RPRD2: variants seen among roughly 807,000 people sequenced by gnomAD.
RPRD2 encodes regulation of nuclear pre-mRNA domain-containing protein 2.
A neutral mutation model predicts 104.4 loss-of-function variants in RPRD2; 12 were observed. The ratio of observed to expected loss-of-function variants is 0.11; its 90% CI spans 0.07 to 0.19. The LOEUF (loss-of-function observed/expected upper bound fraction) is 0.19. RPRD2 is among the 10% of genes least tolerant of loss of function. RPRD2 has a pLI of 1.00. For synonymous variants in RPRD2, 714 were observed against 684.9 expected (o/e 1.04, Z -0.66); for missense variants, 1,543 against 1,790.1 (o/e 0.86, Z 2.49).
chr1:150,388,412 A>T lies in RPRD2; in HGVS notation c.205+23493A>T, dbSNP rs587632799. Among the ~76,000 whole-genome samples, 7 of 147,768 alleles carry T rather than the reference A, an allele frequency of 4.7e-5. No individual in the cohort carries two copies. The East Asian group carries it at 1.4e-3, about 29-fold the overall frequency. ...TACACATGTATATACGTGTATATAC[A>T]CATGTATATATATACATATATACAT... On this transcript the variant is annotated intron_variant, in intron 1 of 10. Coordinates refer to ENST00000369068, the MANE Select transcript of RPRD2 (RefSeq NM_015203.5).
intron 2 of RPRD2, among the ~76,000 whole-genome samples, chr1:150,432,663 A>G (rs1553892136): frequency 6.6e-6 from 1 of 151,162 alleles, no homozygotes; most frequent in African/African-American, 2.4e-5. Flanking sequence ...AAAGATCAGT[A>G]TAAAAGGACT....
At chr1:150,441,516 A>G (rs41273511) in intron 3 of RPRD2, 76 of 209,428 alleles carry the variant, frequency 3.6e-4, no homozygotes, top group Non-Finnish European at 6.1e-4. Flanking sequence ...TAATTAAGTT[A>G]TTGAACAGAA....
intron 2 of RPRD2, among the ~76,000 whole-genome samples, chr1:150,437,380 C>G (rs1444346088): frequency 6.6e-5 from 10 of 152,094 alleles, no homozygotes; most frequent in African/African-American, 2.4e-4. Context: ...CCTGCAGTCC[C>G]AGCTACCATG....
intron 2 of RPRD2, among the ~76,000 whole-genome samples, chr1:150,431,066 C>T (rs879961301): frequency 6.6e-6 from 1 of 151,924 alleles, no homozygotes; most frequent in Non-Finnish European, 1.5e-5. Context: ...AATTATAAAA[C>T]AAGCAGTTTT....
In RPRD2 at chr1:150,474,995, TTC is replaced by T. The variant is rs1427336041; in HGVS notation, c.*1663_*1664del. On this transcript the variant is annotated 3_prime_UTR_variant, in exon 11 of 11. Coordinates refer to ENST00000369068, the MANE Select transcript of RPRD2 (RefSeq NM_015203.5). ...GATTTGGGAGTTTTTGCGTAATTTA[TTC>T]TGTTATTTATTTGGGCTCGCCATGT... The T allele has an allele frequency of 6.6e-6, 1 of 152,102 alleles. No individual in the cohort carries two copies. Among genetic ancestry groups the T allele is most frequent in the Admixed American group, 6.6e-5 (1 of 15,264 alleles). 9.4% of individuals were successfully genotyped at this position (152,102 alleles called of 1,614,324 possible).
rs369152015 is a variant in RPRD2 at position 150,471,699 on chromosome 1, C to T, written c.2751C>T (p.Ser917=). The change falls in exon 11 of 11, where the codon AGC becomes AGT. Residue 917 remains serine, a synonymous_variant. Transcript: ENST00000369068. This position sits in a 1 kb window ranked among gnomAD's most constrained non-coding sequence, Gnocchi z 5.3. The part of the protein sequence containing the change: ...SSSPGLFGAF[S]VRGNEPGSDR... ...CCCCTGGGCTATTTGGTGCCTTCAG[C>T]GTAAGAGGGAATGAACCTGGGTCTG... The T allele has an allele frequency of 2.1e-5, 34 of 1,613,866 alleles. No individual in the cohort carries two copies. The African/African-American group carries it at 2.3e-4, about 11-fold the overall frequency.
intron 1 of RPRD2, among the ~76,000 whole-genome samples, chr1:150,393,560 T>G (rs1256072390): frequency 5.3e-5 from 8 of 151,754 alleles, no homozygotes; most frequent in Non-Finnish European, 1.0e-4. Flanking sequence ...CCCCATAGAT[T>G]ATGAGTTACA....
chr1:150,408,360 G>T (rs993322743), intron 1 of RPRD2, among the ~76,000 whole-genome samples: 3 of 151,662 alleles, frequency 2.0e-5, no homozygotes, highest in African/African-American at 7.3e-5. Context: ...CACCATGTTG[G>T]TCATGCTGGG....
intron 1 of RPRD2, among the ~76,000 whole-genome samples, chr1:150,365,854 G>C (rs1171713408): frequency 6.6e-6 from 1 of 152,136 alleles, no homozygotes; most frequent in Non-Finnish European, 1.5e-5. Flanking sequence ...GCCTCCCAAA[G>C]TGCAGGGATT....
intron 2 of RPRD2, among the ~76,000 whole-genome samples, chr1:150,421,246 A>AT (rs1664735746): frequency 6.6e-6 from 1 of 152,208 alleles, no homozygotes; most frequent in Non-Finnish European, 1.5e-5. Context: ...TTAAACTGTA[A>AT]TTAGGAAGAA....
chr1:150,473,327 G>A lies in RPRD2; in HGVS notation c.4379G>A (p.Arg1460Lys). The change falls in exon 11 of 11, where the codon AGG becomes AAG. Residue 1460 changes from arginine to lysine, a missense_variant. Arg to Lys is a conservative substitution (Grantham distance 26, BLOSUM62 2). Around this residue, in one of 4 missense-constraint regions of RPRD2, gnomAD observed 880 missense variants for 885.6 expected, o/e 0.99. Coordinates refer to ENST00000369068, the MANE Select transcript of RPRD2 (RefSeq NM_015203.5). ...FAPKRPFFPP[R>K]Y ...CCAAAACGCCCATTCTTCCCTCCCA[G>A]GTACTGATGGAAACCAAGGGAAAGG... 6.2e-7 allele frequency: 1 copy of A among 1,607,828 alleles called. No homozygotes were observed. The highest frequency in any genetic ancestry group is 8.5e-7 in the Non-Finnish European group (1 of 1,177,098).
intron 2 of RPRD2, among the ~76,000 whole-genome samples, chr1:150,422,555 T>C (rs1664844058): frequency 6.6e-6 from 1 of 151,918 alleles, no homozygotes; most frequent in African/African-American, 2.4e-5. Context: ...ATTCACTTAA[T>C]AGGGACAGCA....
At chr1:150,396,498 T>C (rs1168169002) in intron 1 of RPRD2, among the ~76,000 whole-genome samples, 1 of 152,248 alleles carries the variant, frequency 6.6e-6, no homozygotes, top group Non-Finnish European at 1.5e-5. Flanking sequence ...TCTAGATTTA[T>C]GTCCTTGATC....
At chr1:150,465,398 G>A (rs1441462474) in intron 10 of RPRD2, among the ~76,000 whole-genome samples, 3 of 152,176 alleles carry the variant, frequency 2.0e-5, no homozygotes, top group East Asian at 1.9e-4. Flanking sequence ...GATTACAGGC[G>A]TGAGCCACTG....
At chr1:150,371,194 A>G (rs587677196) in intron 1 of RPRD2, among the ~76,000 whole-genome samples, 2 of 152,346 alleles carry the variant, frequency 1.3e-5, no homozygotes, top group Admixed American at 6.5e-5. Context: ...TGGACCATGA[A>G]GCTGGTAATA....
At chr1:150,432,192 A>G (rs1665649418) in intron 2 of RPRD2, among the ~76,000 whole-genome samples, 1 of 147,412 alleles carries the variant, frequency 6.8e-6, no homozygotes, top group African/African-American at 2.5e-5. Context: ...AAAAAAAAAA[A>G]GAAAGAAAAG....
chr1:150,403,387 T>G (rs781817116), intron 1 of RPRD2, among the ~76,000 whole-genome samples: 3 of 152,112 alleles, frequency 2.0e-5, no homozygotes, highest in Non-Finnish European at 4.4e-5. Flanking sequence ...CGTCTCACTT[T>G]CCAGACTGAA....
intron 1 of RPRD2, among the ~76,000 whole-genome samples, chr1:150,373,095 C>A (rs1315696693): frequency 6.7e-6 from 1 of 148,198 alleles, no homozygotes; most frequent in Non-Finnish European, 1.5e-5. Context: ...CTCACTGCAA[C>A]CTCTGCCTCC....
chr1:150,373,476 C>G (rs1660469132), intron 1 of RPRD2, among the ~76,000 whole-genome samples: 1 of 147,056 alleles, frequency 6.8e-6, no homozygotes, highest in Non-Finnish European at 1.5e-5. Context: ...TAGGTCCAGC[C>G]AGATTTCTAG....
Sources: gnomAD v4.1 joint callset for allele counts (sites outside exome capture counted in the v4.1 genomes callset) on GRCh38, gnomAD v4.1.1 for gene constraint, gnomAD v4.1.1 regional missense constraint, Gnocchi (gnomAD v3.1) non-coding constraint, MANE v1.5 for transcripts, NCBI Gene and HGNC (gene_info 2026-07-23, HGNC 2026-07-21) for gene names.